The following SYNPO2 variants were observed in gnomAD, a reference collection of about 807,000 sequenced individuals.
The protein encoded by SYNPO2 is synaptopodin-2.
A neutral mutation model predicts 85.0 loss-of-function variants in SYNPO2; 56 were observed. The ratio of observed to expected loss-of-function variants is 0.66; its 90% CI spans 0.53 to 0.82. The LOEUF is 0.82. Among genes scored for constraint, SYNPO2 ranks in the 40% least tolerant of loss-of-function variants. The pLI, the probability that SYNPO2 is intolerant of heterozygous loss-of-function variation, is 0.00. For missense variants in SYNPO2, 1,575 were observed against 1,534.2 expected, an observed-to-expected ratio of 1.03 and a Z score of -0.44; for synonymous variants, 602 against 591.1, an observed-to-expected ratio of 1.02 and a Z score of -0.27.
chr4:118,906,124 T>C (rs1183007638), intron 1 of SYNPO2, among the ~76,000 whole-genome samples: 1 of 152,194 alleles, frequency 6.6e-6, no homozygotes, highest in Non-Finnish European at 1.5e-5. Flanking sequence ...GAAAGGTTGT[T>C]GAATAAATGA....
chr4:118,936,727 AC>A, intron 1 of SYNPO2, among the ~76,000 whole-genome samples: 1 of 152,236 alleles, frequency 6.6e-6, no homozygotes, highest in African/African-American at 2.4e-5. Context: ...ATCTTCTTAA[AC>A]ATAAGATCAC....
rs1553945967 is a variant in SYNPO2, at chr4:119,007,263, T to TGTATATACATATATATATATGTATATAC, written c.106-16167_106-16166insGTATATACATATATATATATGTATATAC. ...ATATATATGTATATACATATATATA[T>TGTATATACATATATATATATGTATATAC]ATATATATATATGTATATACATATA... On this transcript the variant is annotated intron_variant, in intron 1 of 4. Transcript: ENST00000307142. 6.6e-4 allele frequency among the ~76,000 whole-genome samples: 51 copies of TGTATATACATATATATATATGTATATAC among 77,770 alleles called. 1 individual carries two copies. The highest frequency in any genetic ancestry group is 2.7e-3 in the African/African-American group (48 of 17,704). The allele number at this position is 77,770 out of a possible 152,430, so 51.0% of individuals were successfully genotyped here. A position where few individuals can be genotyped will look rare whatever the true frequency, so the allele number is the denominator to read the frequency against.
intron 1 of SYNPO2, among the ~76,000 whole-genome samples, chr4:119,015,765 T>C (rs930667996): frequency 1.3e-5 from 2 of 152,222 alleles, no homozygotes; most frequent in Non-Finnish European, 2.9e-5. Context: ...TAATGCCCAT[T>C]ATTTTACTCG....
At chr4:119,051,330 C>T (rs893140300) in intron 4 of SYNPO2, among the ~76,000 whole-genome samples, 1 of 145,442 alleles carries the variant, frequency 6.9e-6, no homozygotes, top group Non-Finnish European at 1.5e-5. Context: ...GCTGGGACTA[C>T]AAGCGCCCGC....
chr4:119,037,228 A>G (rs1738552366), intron 4 of SYNPO2: 1 of 1,514,414 alleles, frequency 6.6e-7, no homozygotes, highest in African/African-American at 1.4e-5. Flanking sequence ...CAAAGGAAAC[A>G]CAAAGAAATC....
At chr4:118,994,147 C>A (rs1348258340) in intron 1 of SYNPO2, among the ~76,000 whole-genome samples, 1 of 152,250 alleles carries the variant, frequency 6.6e-6, no homozygotes, top group East Asian at 1.9e-4. Flanking sequence ...GTGTGGCCTC[C>A]TAAGACCACT....
chr4:118,951,903 C>A (rs551041368), intron 1 of SYNPO2, among the ~76,000 whole-genome samples: 25 of 152,186 alleles, frequency 1.6e-4, no homozygotes, highest in Admixed American at 1.3e-3. Context: ...ATATTTCATC[C>A]CAGAATTAAA....
chr4:119,012,232 T>C (rs568020794), intron 1 of SYNPO2, among the ~76,000 whole-genome samples: 1 of 152,214 alleles, frequency 6.6e-6, no homozygotes, highest in East Asian at 1.9e-4. Context: ...CACCTCTCTA[T>C]AGACTGAATC....
intron 1 of SYNPO2, among the ~76,000 whole-genome samples, chr4:118,871,571 ATT>A (rs67838256): frequency 1.4e-5 from 2 of 142,446 alleles, no homozygotes; most frequent in African/African-American, 2.6e-5. Flanking sequence ...ATAAATAACA[ATT>A]TTTTTTTTTT....
intron 4 of SYNPO2, among the ~76,000 whole-genome samples, chr4:119,039,916 T>C (rs1358619891): frequency 6.6e-6 from 1 of 152,156 alleles, no homozygotes; most frequent in Non-Finnish European, 1.5e-5. Context: ...AAGAAGTACA[T>C]TGGTAGTGAT....
chr4:118,926,162 TGG>T (rs1360519174), intron 1 of SYNPO2, among the ~76,000 whole-genome samples: 2 of 152,082 alleles, frequency 1.3e-5, no homozygotes, highest in Non-Finnish European at 2.9e-5. Flanking sequence ...AGAACGCAAC[TGG>T]GGATTATAGG....
chr4:118,908,759 C>T (rs913235434), intron 1 of SYNPO2, among the ~76,000 whole-genome samples: 3 of 152,096 alleles, frequency 2.0e-5, no homozygotes, highest in Admixed American at 6.6e-5. Context: ...TACCACTGCC[C>T]TACTAAGGTT....
intron 1 of SYNPO2, among the ~76,000 whole-genome samples, chr4:118,962,652 T>C (rs1735145687): frequency 6.6e-6 from 1 of 152,164 alleles, no homozygotes; most frequent in Non-Finnish European, 1.5e-5. Context: ...TTTGTCCCCT[T>C]TCATCATGTG....
intron 1 of SYNPO2, among the ~76,000 whole-genome samples, chr4:119,017,538 T>C (rs1258274424): frequency 2.3e-5 from 2 of 87,752 alleles, no homozygotes; most frequent in East Asian, 6.8e-4. Context: ...GTGTACATTT[T>C]CTGTCAAAAA....
At position 118,940,855 on chromosome 4, in the gene SYNPO2, C is replaced by T. The variant is rs140018132; in HGVS notation, c.105+51714C>T. Among the ~76,000 whole-genome samples the T allele has an allele frequency of 8.2e-3, 1,253 of 152,182 alleles. 18 individuals carry two copies. Among genetic ancestry groups the T allele is most frequent in the African/African-American group, 0.029 (1,197 of 41,520 alleles). The stretch of plus-strand genomic sequence containing the variant: ...CCTCTCTCCTGTCACCCCCATCTCG[C>T]TCTGCTTTGAGGACTCCTCTTGTTC... On this transcript the variant is annotated intron_variant, in intron 1 of 4. Transcript: ENST00000307142.
intron 1 of SYNPO2, among the ~76,000 whole-genome samples, chr4:118,910,844 G>A (rs1211086310): frequency 1.3e-5 from 2 of 151,634 alleles, no homozygotes; most frequent in African/African-American, 4.8e-5. Flanking sequence ...ACTTTTTTTT[G>A]AGAATCATCC....
chr4:119,028,904 T>C (rs983070468), intron 3 of SYNPO2, among the ~76,000 whole-genome samples: 6 of 151,854 alleles, frequency 4.0e-5, no homozygotes, highest in Admixed American at 1.3e-4. Flanking sequence ...GTTGCTATAA[T>C]TTGCCACCCA....
intron 4 of SYNPO2, chr4:119,042,825 A>G (rs560213562): frequency 6.6e-6 from 1 of 152,240 alleles, no homozygotes; most frequent in South Asian, 2.1e-4. Context: ...ATTGTTTTCA[A>G]AACTTTGAGG....
At chr4:118,964,787 A>G (rs1418154965) in intron 1 of SYNPO2, among the ~76,000 whole-genome samples, 1 of 152,068 alleles carries the variant, frequency 6.6e-6, no homozygotes, top group African/African-American at 2.4e-5. Flanking sequence ...TGTGCTGGAG[A>G]TGTAGATGTT....
Sources: gnomAD v4.1 joint callset for allele counts (sites outside exome capture counted in the v4.1 genomes callset) on GRCh38, gnomAD v4.1.1 for gene constraint, MANE v1.5 for transcripts, NCBI Gene and HGNC (gene_info 2026-07-23, HGNC 2026-07-21) for gene names.